The following DPYD variants were observed in gnomAD, a reference collection of about 807,000 sequenced individuals.
DPYD encodes dihydropyrimidine dehydrogenase [NADP(+)].
DPYD carries 109 observed loss-of-function variants against 116.2 expected under a neutral mutation model. The ratio of observed to expected loss-of-function variants is 0.94; its 90% CI spans 0.80 to 1.10. The LOEUF (loss-of-function observed/expected upper bound fraction) is 1.10. DPYD is among the 50% of genes least tolerant of loss of function. The pLI is 0.00. For missense variants in DPYD, 1,302 were observed against 1,254.5 expected (o/e 1.04, Z -0.57); for synonymous variants, 440 against 432.0 (o/e 1.02, Z -0.23).
At chr1:97,599,377 A>G (rs992347240) in intron 8 of DPYD, among the ~76,000 whole-genome samples, 1 of 152,168 alleles carries the variant, frequency 6.6e-6, no homozygotes, top group African/African-American at 2.4e-5. Context: ...TAACATGAAC[A>G]AGATATTAGA....
At chr1:97,238,960 C>G (rs1274520614) in intron 18 of DPYD, among the ~76,000 whole-genome samples, 2 of 152,120 alleles carry the variant, frequency 1.3e-5, no homozygotes, top group Non-Finnish European at 2.9e-5. Context: ...TTCTGAGTTC[C>G]CACGTTTTGA....
chr1:97,450,080 T>C lies in DPYD; in HGVS notation c.1884A>G (p.Leu628=). 6.2e-7 allele frequency: 1 copy of C among 1,613,948 alleles called. No individual in the cohort carries two copies. The highest frequency in any genetic ancestry group is 8.5e-7 in the Non-Finnish European group (1 of 1,179,874). ...TTACGTTGTCTGGAAAGTCAGCCTTTAGTTCAGTGACACTTTGACACCAAT... is the reference window on the plus strand; with the variant it reads ...TTACGTTGTCTGGAAAGTCAGCCTTCAGTTCAGTGACACTTTGACACCAAT... ...AAYWCQSVTE[L]KADFPDNIVI... is the part of the protein sequence containing the mutation. Residue 628 remains leucine (L), a synonymous_variant, in exon 14 of 23, where the codon CTA becomes CTG. Transcript: ENST00000370192.
chr1:97,486,332 TC>T, intron 13 of DPYD, among the ~76,000 whole-genome samples: 1 of 152,306 alleles, frequency 6.6e-6, no homozygotes, highest in African/African-American at 2.4e-5. Flanking sequence ...ACTCAATTTT[TC>T]ATTTGTACTA....
chr1:97,336,884 G>C (rs1253303345), intron 16 of DPYD, among the ~76,000 whole-genome samples: 1 of 152,064 alleles, frequency 6.6e-6, no homozygotes, highest in Non-Finnish European at 1.5e-5. Context: ...CACAGAGATG[G>C]GATTGAATGG....
chr1:97,303,051 A>T (rs1252645031), intron 18 of DPYD, among the ~76,000 whole-genome samples: 1 of 151,994 alleles, frequency 6.6e-6, no homozygotes, highest in African/African-American at 2.4e-5. Context: ...TTTCTACAGC[A>T]GGTATACTAC....
intron 16 of DPYD, among the ~76,000 whole-genome samples, chr1:97,357,813 T>C (rs1159104088): frequency 6.6e-6 from 1 of 152,148 alleles, no homozygotes; most frequent in Non-Finnish European, 1.5e-5. Context: ...TCAATTAAGA[T>C]AATGACCTCT....
At chr1:97,100,561 A>T (rs1650594984) in intron 20 of DPYD, among the ~76,000 whole-genome samples, 1 of 152,076 alleles carries the variant, frequency 6.6e-6, no homozygotes, top group African/African-American at 2.4e-5. Context: ...GTTGGGGTTT[A>T]CATGGTTCTC....
chr1:97,473,955 C>T (rs1194867261), intron 13 of DPYD, among the ~76,000 whole-genome samples: 1 of 147,280 alleles, frequency 6.8e-6, no homozygotes, highest in African/African-American at 2.5e-5. Flanking sequence ...GAGGCTTCAG[C>T]GAGCCATGAT....
At chr1:97,500,153 C>T (rs1570845441) in intron 13 of DPYD, among the ~76,000 whole-genome samples, 1 of 151,930 alleles carries the variant, frequency 6.6e-6, no homozygotes, top group Non-Finnish European at 1.5e-5. Flanking sequence ...ACAAAGCAAA[C>T]TTCTAGAACT....
chr1:97,481,821 T>A (rs1678332162), intron 13 of DPYD, among the ~76,000 whole-genome samples: 1 of 152,174 alleles, frequency 6.6e-6, no homozygotes, highest in African/African-American at 2.4e-5. Context: ...ACATAAATAT[T>A]TTAAATTACC....
At chr1:97,634,510 CAT>C (rs751382317) in intron 8 of DPYD, among the ~76,000 whole-genome samples, 39 of 151,822 alleles carry the variant, frequency 2.6e-4, no homozygotes, top group Non-Finnish European at 5.0e-4. Flanking sequence ...CAATAGAAAA[CAT>C]ATATAATCAT....
chr1:97,527,174 G>A (rs949504583), intron 12 of DPYD, among the ~76,000 whole-genome samples: 2 of 151,846 alleles, frequency 1.3e-5, no homozygotes, highest in Admixed American at 6.6e-5. Flanking sequence ...TACCTCCCGG[G>A]TTCACGCCAT....
chr1:97,268,313 G>A (rs1664361781), intron 18 of DPYD, among the ~76,000 whole-genome samples: 1 of 151,956 alleles, frequency 6.6e-6, no homozygotes, highest in Non-Finnish European at 1.5e-5. Flanking sequence ...TGGCACCACA[G>A]TTCTGGGGTC....
intron 12 of DPYD, among the ~76,000 whole-genome samples, chr1:97,517,990 G>A (rs1020460336): frequency 1.3e-5 from 2 of 152,046 alleles, no homozygotes; most frequent in Non-Finnish European, 1.5e-5. Flanking sequence ...AGCCCAAGGA[G>A]GCAGATATAT....
chr1:97,240,347 T>C (rs1268687097), intron 18 of DPYD, among the ~76,000 whole-genome samples: 1 of 151,918 alleles, frequency 6.6e-6, no homozygotes, highest in East Asian at 1.9e-4. Context: ...GACTAAATCC[T>C]TGAAGAAAAA....
At chr1:97,081,717 C>CTTTTCT (rs1649167387) in intron 22 of DPYD, among the ~76,000 whole-genome samples, 4 of 136,474 alleles carry the variant, frequency 2.9e-5, no homozygotes, top group Admixed American at 7.4e-5. Context: ...CTTTTCTTTT[C>CTTTTCT]TTTTTTTTTT....
chr1:97,125,985 T>A (rs2101655583), intron 20 of DPYD, among the ~76,000 whole-genome samples: 1 of 152,258 alleles, frequency 6.6e-6, no homozygotes, highest in Non-Finnish European at 1.5e-5. Flanking sequence ...TTTATATCAT[T>A]CCTTTCTTTT....
At chr1:97,813,989 A>G (rs1557981566) in intron 3 of DPYD, among the ~76,000 whole-genome samples, 1 of 151,652 alleles carries the variant, frequency 6.6e-6, no homozygotes, top group East Asian at 1.9e-4. Flanking sequence ...TGAGTTCTGC[A>G]AGAGGAATGA....
intron 16 of DPYD, among the ~76,000 whole-genome samples, chr1:97,341,652 C>T (rs1041930351): frequency 6.6e-6 from 1 of 152,152 alleles, no homozygotes; most frequent in Non-Finnish European, 1.5e-5. Context: ...TATGTCAAAG[C>T]AGATAATCAC....
Sources: allele counts gnomAD v4.1 joint callset (sites outside exome capture counted in the v4.1 genomes callset), GRCh38; gene constraint gnomAD v4.1.1; transcripts MANE v1.5; gene names NCBI Gene and HGNC (gene_info 2026-07-23, HGNC 2026-07-21).